CRYBG3: variants seen among roughly 807,000 people sequenced by gnomAD.
CRYBG3 encodes crystallin beta-gamma domain containing 3, also known as very large A-kinase anchor protein.
In CRYBG3, 127 loss-of-function variants were observed where a neutral mutation model predicts 244.2. The observed-to-expected ratio is 0.52, with a 90% confidence interval of 0.45 to 0.60. The LOEUF is 0.60. CRYBG3 is among the 20% of genes least tolerant of loss of function. CRYBG3 has a pLI of 0.00. For missense variants in CRYBG3, 3,325 were observed against 3,442.5 expected (o/e 0.97, Z 0.85); for synonymous variants, 1,132 against 1,195.8 (o/e 0.95, Z 1.10).
At chr3:97,884,244 A>G (rs2039483232) in intron 7 of CRYBG3, among the ~76,000 whole-genome samples, 1 of 152,148 alleles carries the variant, frequency 6.6e-6, no homozygotes, top group Admixed American at 6.6e-5. Context: ...ACCCAGGGAA[A>G]ATAATTGGGG....
chr3:97,890,304 A>G (rs1316509551), intron 10 of CRYBG3, among the ~76,000 whole-genome samples: 6 of 152,208 alleles, frequency 3.9e-5, no homozygotes, highest in Admixed American at 2.6e-4. Context: ...AAAGAGTCCT[A>G]GGTGATTCTA....
In CRYBG3 at chr3:97,864,499, A is replaced by G; in HGVS notation, c.499A>G (p.Ile167Val). The G allele has an allele frequency of 6.5e-7, 1 of 1,536,006 alleles. No individual in the cohort carries two copies. The highest frequency in any genetic ancestry group is 8.7e-7 in the Non-Finnish European group (1 of 1,146,830). The change falls in exon 3 of 22, where the codon ATC becomes GTC. Residue 167 changes from isoleucine to valine, a missense_variant. Ile to Val is a conservative substitution (Grantham distance 29). Coordinates refer to ENST00000389622, the MANE Select transcript of CRYBG3 (RefSeq NM_153605.4). ...TCCCAGTGACCATCATGAAGACGGG[A>G]TCAAAAGGGAGAGAGAGATTTTCAG... The part of the protein sequence containing the change: ...QNPSDHHEDG[I>V]KREREIFSGS...
At chr3:97,890,581 T>C (rs1165147407) in intron 10 of CRYBG3, among the ~76,000 whole-genome samples, 4 of 152,208 alleles carry the variant, frequency 2.6e-5, no homozygotes, top group African/African-American at 9.6e-5. Flanking sequence ...TAACATGTAT[T>C]AAACCCAAAT....
intron 14 of CRYBG3, 43 bp from the exon 15 acceptor site, chr3:97,900,410 T>C (rs775619279): frequency 5.8e-6 from 8 of 1,384,376 alleles, no homozygotes; most frequent in South Asian, 1.2e-5. Context: ...AAAAGACAGA[T>C]TATGTGATTA....
Position 97,877,770 on chromosome 3 carries a change from T to C in CRYBG3, c.6576T>C (p.Ile2192=). The change falls in exon 4 of 22, where the codon ATT becomes ATC. Residue 2192 remains isoleucine (I), a synonymous_variant. Coordinates refer to ENST00000389622, the MANE Select transcript of CRYBG3 (RefSeq NM_153605.4). ...FYPDDQESVG[I]SKNSYVMPNE... The stretch of plus-strand genomic sequence containing the variant: ...CTGATGACCAGGAGAGCGTTGGAAT[T>C]TCTAAGAATTCATATGTGATGCCAA... The C allele has an allele frequency of 6.2e-7, 1 of 1,614,108 alleles. No homozygotes were observed. The highest frequency in any genetic ancestry group is 8.5e-7 in the Non-Finnish European group (1 of 1,180,020).
chr3:97,936,230 G>T (rs1369020348), intron 18 of CRYBG3, among the ~76,000 whole-genome samples: 1 of 152,058 alleles, frequency 6.6e-6, no homozygotes. Flanking sequence ...CTTTAATGCT[G>T]CCAAAGTTGA....
intron 17 of CRYBG3, 142 bp downstream of exon 17, chr3:97,915,878 C>A: frequency 1.5e-6 from 1 of 661,176 alleles, no homozygotes; most frequent in Non-Finnish European, 2.3e-6. Flanking sequence ...ATTTGTCAAT[C>A]GTAAAACTGA....
At position 97,864,516 on chromosome 3, in the gene CRYBG3, G is replaced by T; in HGVS notation, c.516G>T (p.Glu172Asp). Residue 172 changes from glutamate (E) to aspartate (D), a missense_variant, in exon 3 of 22, where the codon GAG becomes GAT. By Grantham distance (45) the Glu-to-Asp change is conservative (BLOSUM62 2). Transcript: ENST00000389622. ...HHEDGIKRER[E>D]IFSGSLRTQT... ...AAGACGGGATCAAAAGGGAGAGAGA[G>T]ATTTTCAGTGGCTCCCTAAGAACCC... is the stretch of plus-strand genomic sequence containing the variant. 1 of 1,535,916 alleles carries T rather than the reference G, an allele frequency of 6.5e-7. No homozygotes were observed. The highest frequency in any genetic ancestry group is 2.4e-5 in the East Asian group (1 of 40,902).
chr3:97,901,700 A>G (rs956733319), intron 15 of CRYBG3, among the ~76,000 whole-genome samples: 2 of 152,184 alleles, frequency 1.3e-5, no homozygotes, highest in African/African-American at 4.8e-5. Context: ...TTTGAGTTCT[A>G]AGTACAGATA....
chr3:97,905,653 C>G (rs2039764340), intron 15 of CRYBG3, among the ~76,000 whole-genome samples: 1 of 150,154 alleles, frequency 6.7e-6, no homozygotes, highest in Admixed American at 6.7e-5. Context: ...AGCCCTTTGT[C>G]AGATGAGTAG....
At chr3:97,912,052 T>C (rs1383129373) in intron 15 of CRYBG3, 115 bp from the exon 16 acceptor site, 2 of 490,850 alleles carry the variant, frequency 4.1e-6, no homozygotes, top group Non-Finnish European at 7.2e-6. Context: ...AGATAAAACA[T>C]GAGTCTGATA....
intron 3 of CRYBG3, among the ~76,000 whole-genome samples, chr3:97,870,158 A>G (rs146412120): frequency 5.9e-4 from 90 of 152,284 alleles, no homozygotes; most frequent in African/African-American, 2.0e-3. Context: ...CTTTTATTTT[A>G]GAGTTGGGGT....
In CRYBG3 at chr3:97,876,717, T is replaced by C. The variant is rs2039377157; in HGVS notation, c.5523T>C (p.Ser1841=). 8.0e-7 allele frequency: 1 copy of C among 1,257,094 alleles called. No individual in the cohort carries two copies. Among genetic ancestry groups the C allele is most frequent in the African/African-American group, 1.5e-5 (1 of 64,664 alleles). The allele number at this position is 1,257,094 out of a possible 1,614,324, so 77.9% of individuals were successfully genotyped here. Residue 1841 remains serine (S), a synonymous_variant, in exon 4 of 22, where the codon TCT becomes TCC. Coordinates refer to ENST00000389622, the MANE Select transcript of CRYBG3 (RefSeq NM_153605.4). ...ETIGATVSTP[S]VIEMEKISPE... ...TTGGAGCAACTGTGTCCACACCCTC[T>C]GTGATAGAAATGGAAAAAATATCCC...
intron 7 of CRYBG3, among the ~76,000 whole-genome samples, chr3:97,883,231 T>C (rs2039470285): frequency 6.6e-6 from 1 of 152,144 alleles, no homozygotes; most frequent in Non-Finnish European, 1.5e-5. Context: ...ATGGCTGAAG[T>C]GGAGAGAGCA....
intron 1 of CRYBG3, 115 bp from the exon 2 acceptor site, chr3:97,843,080 T>C (rs2038845567): frequency 1.6e-6 from 1 of 612,380 alleles, no homozygotes; most frequent in Non-Finnish European, 2.8e-6. Context: ...ACATGGTGTA[T>C]CAATCTTTGA....
chr3:97,914,211 A>T (rs948143189), intron 16 of CRYBG3, among the ~76,000 whole-genome samples: 5 of 152,174 alleles, frequency 3.3e-5, no homozygotes, highest in African/African-American at 1.2e-4. Flanking sequence ...ACATTAAAAC[A>T]CATAAAGTAG....
intron 17 of CRYBG3, 124 bp from the exon 18 acceptor site, chr3:97,933,570 G>T: frequency 1.1e-6 from 1 of 947,228 alleles, no homozygotes; most frequent in East Asian, 2.4e-5. Flanking sequence ...AGCAACCTTA[G>T]AGAGTAAAAC....
Position 97,873,720 on chromosome 3 carries a change from T to G in CRYBG3, c.2526T>G (p.Ser842=). Residue 842 remains serine (S), a synonymous_variant, in exon 4 of 22, where the codon TCT becomes TCG. Transcript: ENST00000389622. The part of the protein sequence containing the change: ...RGKTISLSKV[S]LSKVEPRNIS... Reference sequence around the variant, plus strand: ...AAACTATATCCTTGTCCAAGGTATCTCTTTCAAAAGTGGAGCCCAGAAACA... The same window carrying G: ...AAACTATATCCTTGTCCAAGGTATCGCTTTCAAAAGTGGAGCCCAGAAACA... 5.2e-6 allele frequency: 8 copies of G among 1,536,002 alleles called. No individual in the cohort carries two copies. Among genetic ancestry groups the G allele is most frequent in the Non-Finnish European group, 7.0e-6 (8 of 1,146,832 alleles).
intron 2 of CRYBG3, among the ~76,000 whole-genome samples, chr3:97,851,283 G>T (rs1351120837): frequency 1.3e-5 from 2 of 152,160 alleles, no homozygotes; most frequent in African/African-American, 4.8e-5. Context: ...GTAATACGCG[G>T]CAGCCAGATG....
Sources: gnomAD v4.1 joint callset for allele counts (sites outside exome capture counted in the v4.1 genomes callset) on GRCh38, gnomAD v4.1.1 for gene constraint, MANE v1.5 for transcripts, NCBI Gene and HGNC (gene_info 2026-07-23, HGNC 2026-07-21) for gene names.